RFX8: variants seen among roughly 807,000 people sequenced by gnomAD.
The protein encoded by RFX8 is regulatory factor X8.
In RFX8, 46 loss-of-function variants were observed where a neutral mutation model predicts 54.6. The observed-to-expected ratio is 0.84, with a 90% CI of 0.67 to 1.08. The LOEUF is 1.08. Ranked by LOEUF, RFX8 falls within the 50% of genes least tolerant of loss-of-function variation. The pLI is 0.00. For synonymous variants in RFX8, 192 were observed against 209.5 expected (o/e 0.92, Z 0.72); for missense variants, 536 against 562.3 (o/e 0.95, Z 0.47).
At chr2:101,461,297 A>AAGAAAAGAAAAATGACAGGAG in intron 2 of RFX8, among the ~76,000 whole-genome samples, 1 of 151,544 alleles carries the variant, frequency 6.6e-6, no homozygotes, top group African/African-American at 2.4e-5. Flanking sequence ...GAAAAAGAAA[A>AAGAAAAGAAAAATGACAGGAG]AGAAAAGAAA....
chr2:101,432,552 G>A (rs552483234), intron 2 of RFX8, among the ~76,000 whole-genome samples: 10 of 152,334 alleles, frequency 6.6e-5, no homozygotes, highest in South Asian at 2.1e-4. Flanking sequence ...GCGTGAGGCC[G>A]GAGCAGGCCT....
At chr2:101,428,526 C>T (rs376370882) in intron 2 of RFX8, among the ~76,000 whole-genome samples, 2 of 152,182 alleles carry the variant, frequency 1.3e-5, no homozygotes, top group African/African-American at 4.8e-5. Context: ...TTGCAGCTCG[C>T]ACTAAGACAG....
intron 8 of RFX8, among the ~76,000 whole-genome samples, chr2:101,412,093 A>T (rs534867243): frequency 1.3e-5 from 2 of 152,280 alleles, no homozygotes; most frequent in East Asian, 3.9e-4. Context: ...ATGCCCATAG[A>T]GGGAGAGGCC....
intron 10 of RFX8, among the ~76,000 whole-genome samples, chr2:101,404,979 T>A (rs953835227): frequency 7.2e-5 from 11 of 152,136 alleles, no homozygotes; most frequent in African/African-American, 2.7e-4. Flanking sequence ...TATGCAGGGA[T>A]CACTTGCCAT....
chr2:101,456,043 A>C (rs7601458), intron 2 of RFX8, among the ~76,000 whole-genome samples: 3 of 151,592 alleles, frequency 2.0e-5, no homozygotes, highest in African/African-American at 7.3e-5. Context: ...GAATGCTTGT[A>C]ATTTTTGTAC....
chr2:101,428,643 T>C (rs1687317019), intron 2 of RFX8, among the ~76,000 whole-genome samples: 1 of 152,238 alleles, frequency 6.6e-6, no homozygotes, highest in Non-Finnish European at 1.5e-5. Context: ...GAGCTGTAAC[T>C]GTAATAGGGA....
chr2:101,428,417 G>A (rs1687305166), intron 2 of RFX8, among the ~76,000 whole-genome samples: 1 of 152,186 alleles, frequency 6.6e-6, no homozygotes, highest in Non-Finnish European at 1.5e-5. Context: ...CTGAAAGAGG[G>A]CCCTCCGGTA....
Position 101,450,634 on chromosome 2 carries a change from C to T in RFX8, c.72+16143G>A, listed in dbSNP as rs1404191322. 8 of 1,516,110 alleles carry T rather than the reference C, an allele frequency of 5.3e-6. No homozygotes were observed. The East Asian group carries it at 1.5e-4, about 28-fold the overall frequency. 93.9% of individuals were successfully genotyped at this position (1,516,110 alleles called of 1,614,324 possible). On this transcript the variant is annotated intron_variant, in intron 2 of 11. Coordinates refer to ENST00000428343, the MANE Select transcript of RFX8 (RefSeq NM_001145664.2). ...TCACCTATCAGGTAGCAATACTGGG[C>T]ATAGAAGAAAGAGCTTTTCTTGATA...
At position 101,452,321 on chromosome 2, in the gene RFX8, C is replaced by T. The variant is rs1252991209; in HGVS notation, c.72+14456G>A. ...GTTTTGTTTTGCATTTTTTATCATT[C>T]ATTTTGTGATTTTCCAAATCCTTGT... is the stretch of plus-strand genomic sequence containing the variant. On this transcript the variant is annotated intron_variant, in intron 2 of 11. Transcript: ENST00000428343. 6.7e-6 allele frequency: 6 copies of T among 894,470 alleles called. No individual in the cohort carries two copies. The East Asian group carries it at 1.8e-4, about 27-fold the overall frequency. 55.4% of individuals were successfully genotyped at this position (894,470 alleles called of 1,614,324 possible). A position where few individuals can be genotyped will look rare whatever the true frequency, so the allele number is the denominator to read the frequency against.
At chr2:101,427,758 G>C (rs527604758) in intron 2 of RFX8, among the ~76,000 whole-genome samples, 1 of 152,058 alleles carries the variant, frequency 6.6e-6, no homozygotes, top group Non-Finnish European at 1.5e-5. Flanking sequence ...CTGCCCGCTC[G>C]ACATGGTACC....
intron 10 of RFX8, 99 bp downstream of exon 10, chr2:101,405,843 GA>G: frequency 1.6e-6 from 1 of 639,860 alleles, no homozygotes; most frequent in Non-Finnish European, 2.6e-6. Context: ...AAGGTTAAAA[GA>G]AGACGGCTGG....
At chr2:101,467,444 G>A (rs540087890) in intron 1 of RFX8, among the ~76,000 whole-genome samples, 1 of 152,188 alleles carries the variant, frequency 6.6e-6, no homozygotes. Context: ...CTGTGGTTTA[G>A]GGCAGGCCAT....
intron 1 of RFX8, among the ~76,000 whole-genome samples, chr2:101,472,494 T>C (rs1013743129): frequency 2.8e-5 from 4 of 143,320 alleles, no homozygotes; most frequent in Non-Finnish European, 3.1e-5. Flanking sequence ...CTTATTTCCA[T>C]TGCCTCCACC....
intron 1 of RFX8, among the ~76,000 whole-genome samples, chr2:101,470,709 CTTTTTTTTTTTTT>C (rs537834632): frequency 0.3 from 31,269 of 105,330 alleles, 4,418 homozygotes; most frequent in Admixed American, 0.48. Flanking sequence ...TCTGAGTACT[CTTTTTTTTTTTTT>C]TTTTTTTTTT....
intron 2 of RFX8, among the ~76,000 whole-genome samples, chr2:101,458,112 A>G (rs1689082399): frequency 6.6e-6 from 1 of 152,162 alleles, no homozygotes; most frequent in East Asian, 1.9e-4. Context: ...GTCTCTGCAC[A>G]TGAGATGGGT....
At chr2:101,462,253 C>A (rs1319197744) in intron 2 of RFX8, among the ~76,000 whole-genome samples, 2 of 152,128 alleles carry the variant, frequency 1.3e-5, no homozygotes, top group African/African-American at 4.8e-5. Flanking sequence ...CTTGGCAAAA[C>A]CCTGTCTCTG....
intron 2 of RFX8, among the ~76,000 whole-genome samples, chr2:101,434,597 G>A (rs1399144508): frequency 6.6e-6 from 1 of 152,204 alleles, no homozygotes; most frequent in Non-Finnish European, 1.5e-5. Flanking sequence ...GGGCAAGTGA[G>A]CGATAAAATG....
Position 101,450,124 on chromosome 2 carries a change from T to G in RFX8, c.72+16653A>C, listed in dbSNP as rs563650682. Among the ~76,000 whole-genome samples the G allele has an allele frequency of 2.0e-5, 3 of 152,334 alleles. No individual in the cohort carries two copies. In the South Asian group the frequency reaches 6.2e-4, roughly 32 times the overall value. On this transcript the variant is annotated intron_variant, in intron 2 of 11. Transcript: ENST00000428343. ...GGACATTGGTTAAATGTTGATGTGA[T>G]ATGTGTGTTTCCTTAAGGAGGACTT...
intron 9 of RFX8, among the ~76,000 whole-genome samples, chr2:101,410,340 C>T (rs1686041851): frequency 6.6e-6 from 1 of 151,558 alleles, no homozygotes; most frequent in Non-Finnish European, 1.5e-5. Flanking sequence ...ATGCTCATCA[C>T]AGGCTCGCCC....
Sources: gnomAD v4.1 joint callset for allele counts (sites outside exome capture counted in the v4.1 genomes callset) on GRCh38, gnomAD v4.1.1 for gene constraint, MANE v1.5 for transcripts, NCBI Gene and HGNC (gene_info 2026-07-23, HGNC 2026-07-21) for gene names.